Variants in CHMP3 observed in about 807,000 individuals in gnomAD.
The protein encoded by CHMP3 is charged multivesicular body protein 3, also known as 25.1 protein.
CHMP3 carries 8 observed loss-of-function variants against 27.4 expected under a neutral mutation model. The ratio of observed to expected loss-of-function variants is 0.29; its 90% CI spans 0.17 to 0.53. CHMP3 has a LOEUF of 0.53. Among genes scored for constraint, CHMP3 ranks in the 20% least tolerant of loss-of-function variants. CHMP3 has a pLI of 0.96. For missense variants in CHMP3, 208 were observed against 271.5 expected (o/e 0.77, Z 1.64); for synonymous variants, 86 against 85.5 (o/e 1.01, Z -0.03).
At chr2:86,553,204 GAAA>G (rs748370975) in intron 1 of CHMP3, among the ~76,000 whole-genome samples, 1 of 126,954 alleles carries the variant, frequency 7.9e-6, no homozygotes, top group African/African-American at 2.9e-5. Flanking sequence ...AAAGTTGGAG[GAAA>G]AAAAAAAAAA....
intron 1 of CHMP3, among the ~76,000 whole-genome samples, chr2:86,561,477 C>T (rs983132865): frequency 6.6e-6 from 1 of 152,092 alleles, no homozygotes; most frequent in Admixed American, 6.5e-5. Context: ...AATCTCAGAC[C>T]CTATCCAAGA....
intron 3 of CHMP3, among the ~76,000 whole-genome samples, chr2:86,515,471 C>T (rs1012718092): frequency 2.6e-5 from 4 of 152,034 alleles, no homozygotes; most frequent in South Asian, 2.1e-4. Flanking sequence ...TATAGGTGTG[C>T]GCCACCATGC....
intron 1 of CHMP3, among the ~76,000 whole-genome samples, chr2:86,543,741 CTCTG>C (rs1302574331): frequency 6.6e-6 from 1 of 151,992 alleles, no homozygotes. Flanking sequence ...GGGAACCTCT[CTCTG>C]TTTTTTATTT....
At chr2:86,536,531 T>C (rs918501392) in intron 2 of CHMP3, among the ~76,000 whole-genome samples, 4 of 152,222 alleles carry the variant, frequency 2.6e-5, no homozygotes, top group Non-Finnish European at 5.9e-5. Flanking sequence ...ATCCACTGCT[T>C]TCTGGCCTCT....
At chr2:86,545,472 G>A (rs1404904266) in intron 1 of CHMP3, among the ~76,000 whole-genome samples, 1 of 141,874 alleles carries the variant, frequency 7.0e-6, no homozygotes, top group East Asian at 2.2e-4. Context: ...GGGGCGGCCG[G>A]GCAGAGGCGC....
chr2:86,545,916 G>A (rs1001437678), intron 1 of CHMP3, among the ~76,000 whole-genome samples: 2 of 151,850 alleles, frequency 1.3e-5, no homozygotes, highest in Non-Finnish European at 2.9e-5. Flanking sequence ...ACATCCCAGA[G>A]GATGGGCGGC....
chr2:86,556,756 GGCTTGTCAGGGCC>G (rs909458379), intron 1 of CHMP3, among the ~76,000 whole-genome samples: 8 of 152,160 alleles, frequency 5.3e-5, no homozygotes, highest in African/African-American at 1.9e-4. Flanking sequence ...TCGCAGCGCC[GGCTTGTCAGGGCC>G]GCGGTTGCTA....
Position 86,563,260 on chromosome 2 carries a change from C to T in CHMP3, c.45+44G>A, listed in dbSNP as rs766143993. ...TGTCATTTACCAACTTCACTACGCC[C>T]CACACAGATCCACCCGCTTATCTGC... On this transcript the variant is annotated intron_variant, in intron 1 of 5. Transcript: ENST00000263856. The T allele has an allele frequency of 6.8e-6, 11 of 1,610,572 alleles. No individual in the cohort carries two copies. The Admixed American group carries it at 8.4e-5, about 12-fold the overall frequency.
intron 4 of CHMP3, among the ~76,000 whole-genome samples, chr2:86,510,112 C>A (rs1573236209): frequency 6.6e-6 from 1 of 152,232 alleles, no homozygotes; most frequent in South Asian, 2.1e-4. Context: ...TCCTTGGATC[C>A]CCCACCTCCT....
intron 3 of CHMP3, among the ~76,000 whole-genome samples, chr2:86,527,508 T>C (rs1163020549): frequency 6.6e-6 from 1 of 152,232 alleles, no homozygotes; most frequent in Non-Finnish European, 1.5e-5. Flanking sequence ...TCAAGCTGGC[T>C]ATAAAAGACA....
intron 2 of CHMP3, among the ~76,000 whole-genome samples, chr2:86,541,925 T>C (rs1343128290): frequency 6.6e-6 from 1 of 152,200 alleles, no homozygotes; most frequent in Admixed American, 6.5e-5. Context: ...CTGTCCTCAA[T>C]TTACAGTCAT....
In CHMP3 at chr2:86,519,404, G is replaced by T. The variant is rs574490882; in HGVS notation, c.287-8925C>A. ...AAAGCAAAGGAATACTATGAAAACA[G>T]CTCAGCAAAGCCATTTCTGTGGGAA... On this transcript the variant is annotated intron_variant, in intron 3 of 5. Coordinates refer to ENST00000263856, the MANE Select transcript of CHMP3 (RefSeq NM_016079.4). 3.7e-4 allele frequency among the ~76,000 whole-genome samples: 56 copies of T among 150,976 alleles called. 1 individual carries two copies. Among genetic ancestry groups the T allele is most frequent in the African/African-American group, 1.3e-3 (55 of 41,250 alleles).
chr2:86,553,520 T>C (rs995437973), intron 1 of CHMP3, among the ~76,000 whole-genome samples: 5 of 152,088 alleles, frequency 3.3e-5, no homozygotes, highest in African/African-American at 9.7e-5. Flanking sequence ...TTAGTAGAGA[T>C]GGGGTTTCGC....
At chr2:86,507,640 C>G in intron 4 of CHMP3, 47 bp from the exon 5 acceptor site, 1 of 1,526,358 alleles carries the variant, frequency 6.6e-7, no homozygotes, top group Non-Finnish European at 9.1e-7. Flanking sequence ...AAATCTGTTC[C>G]CATCAGACAC....
chr2:86,555,854 A>G (rs1172702700), intron 1 of CHMP3, among the ~76,000 whole-genome samples: 1 of 152,164 alleles, frequency 6.6e-6, no homozygotes, highest in Non-Finnish European at 1.5e-5. Flanking sequence ...AAGAACCTTA[A>G]TTTATTCATA....
At chr2:86,537,754 C>T (rs934182661) in intron 2 of CHMP3, among the ~76,000 whole-genome samples, 8 of 152,098 alleles carry the variant, frequency 5.3e-5, no homozygotes, top group South Asian at 2.1e-4. Flanking sequence ...TCCCTGGGCA[C>T]GCACAGTGAC....
chr2:86,516,715 A>G (rs1675320940), intron 3 of CHMP3, among the ~76,000 whole-genome samples: 1 of 152,262 alleles, frequency 6.6e-6, no homozygotes, highest in Admixed American at 6.5e-5. Flanking sequence ...CTATGGATAC[A>G]TGTAAACACT....
intron 3 of CHMP3, 169 bp from the exon 4 acceptor site, chr2:86,510,648 T>C: frequency 7.6e-6 from 7 of 922,188 alleles, no homozygotes; most frequent in Non-Finnish European, 1.1e-5. Flanking sequence ...TTGACTTTCC[T>C]AAATTGTATG....
chr2:86,529,218 C>T lies in CHMP3; in HGVS notation c.286G>A (p.Ala96Thr), dbSNP rs1675822282. The change falls in exon 3 of 6, where the codon GCG (alanine) becomes ACG (threonine). Residue 96 changes from alanine (A) to threonine (T), a missense_variant and splice_region_variant. By Grantham distance (58) the Ala-to-Thr change is moderately conservative. This residue lies in a region of CHMP3 where 94 missense variants were observed against 159.6 expected (regional missense o/e 0.59). Transcript: ENST00000263856. ...GACTGTAAGGTAAGTGCAGCCTTAC[C>T]GAGCTGGTTCTTCATCCCCATGAGC... ...SVLMGMKNQL[A>T]VLRVAGSLQK... The T allele has an allele frequency of 3.1e-6, 5 of 1,603,590 alleles. No individual in the cohort carries two copies. Among genetic ancestry groups the T allele is most frequent in the East Asian group, 2.3e-5 (1 of 44,176 alleles).
Sources: gnomAD v4.1 joint callset for allele counts (sites outside exome capture counted in the v4.1 genomes callset) on GRCh38, gnomAD v4.1.1 for gene constraint, gnomAD v4.1.1 regional missense constraint, MANE v1.5 for transcripts, NCBI Gene and HGNC (gene_info 2026-07-23, HGNC 2026-07-21) for gene names.